The following TMEM132D variants were observed in gnomAD, a reference collection of about 807,000 sequenced individuals.
The protein encoded by TMEM132D is mature OL transmembrane protein.
A neutral mutation model predicts 62.3 loss-of-function variants in TMEM132D; 21 were observed. That is an observed-to-expected ratio of 0.34 (90% confidence interval 0.24 to 0.49). The LOEUF (loss-of-function observed/expected upper bound fraction) is 0.49. TMEM132D is among the 20% of genes least tolerant of loss of function. TMEM132D has a pLI of 0.99. For synonymous variants in TMEM132D, 621 were observed against 575.6 expected (o/e 1.08, Z -1.13); for missense variants, 1,346 against 1,402.8 (o/e 0.96, Z 0.65).
chr12:129,207,129 GA>G (rs932886870), intron 5 of TMEM132D, among the ~76,000 whole-genome samples: 1 of 151,892 alleles, frequency 6.6e-6, no homozygotes, highest in Admixed American at 6.6e-5. Context: ...CACACAAAAA[GA>G]AAAAAACAAA....
At chr12:129,753,362 G>A (rs1870062674) in intron 1 of TMEM132D, among the ~76,000 whole-genome samples, 1 of 152,176 alleles carries the variant, frequency 6.6e-6, no homozygotes, top group Non-Finnish European at 1.5e-5. Context: ...AACGGCTCTT[G>A]CATTATTCAG....
intron 1 of TMEM132D, among the ~76,000 whole-genome samples, chr12:129,791,205 G>A (rs890281812): frequency 6.6e-6 from 1 of 152,180 alleles, no homozygotes; most frequent in Non-Finnish European, 1.5e-5. Context: ...GAGGAAATCA[G>A]CAGGTCCTAT....
Position 129,637,093 on chromosome 12 carries a change from T to C in TMEM132D, c.968+62717A>G, listed in dbSNP as rs1373333340. ...AAGATGACTCACGTGTCGACAGTTT[T>C]AACTGCTTTAGGTAAAATCTCCTAC... On this transcript the variant is annotated intron_variant, in intron 2 of 8. Coordinates refer to ENST00000422113, the MANE Select transcript of TMEM132D (RefSeq NM_133448.3). 2.6e-5 allele frequency among the ~76,000 whole-genome samples: 4 copies of C among 152,228 alleles called. No homozygotes were observed. The East Asian group carries it at 5.8e-4, about 22-fold the overall frequency.
At chr12:129,502,622 G>A (rs1436015160) in intron 3 of TMEM132D, among the ~76,000 whole-genome samples, 1 of 151,900 alleles carries the variant, frequency 6.6e-6, no homozygotes, top group Non-Finnish European at 1.5e-5. Context: ...TTCAGGCAGA[G>A]AGCAATGCTA....
intron 2 of TMEM132D, among the ~76,000 whole-genome samples, chr12:129,551,937 G>A (rs181504234): frequency 1.8e-4 from 28 of 152,280 alleles, no homozygotes; most frequent in East Asian, 9.6e-4. Flanking sequence ...ATATCACTGG[G>A]AATATGACAA....
intron 5 of TMEM132D, among the ~76,000 whole-genome samples, chr12:129,175,618 GA>G (rs1406209419): frequency 1.3e-5 from 2 of 152,172 alleles, no homozygotes; most frequent in Non-Finnish European, 2.9e-5. Flanking sequence ...TGACGCAAGA[GA>G]ATCACTTGAA....
At chr12:129,273,994 G>A (rs1880933700) in intron 4 of TMEM132D, among the ~76,000 whole-genome samples, 1 of 151,630 alleles carries the variant, frequency 6.6e-6, no homozygotes, top group African/African-American at 2.4e-5. Flanking sequence ...GTAGGTATGT[G>A]AAAATACCAC....
At chr12:129,517,205 G>C (rs1260042120) in intron 3 of TMEM132D, among the ~76,000 whole-genome samples, 1 of 152,152 alleles carries the variant, frequency 6.6e-6, no homozygotes, top group Non-Finnish European at 1.5e-5. Flanking sequence ...AGTAATGTAA[G>C]TTACCTAAAT....
chr12:129,597,663 T>C (rs971209119), intron 2 of TMEM132D, among the ~76,000 whole-genome samples: 5 of 152,200 alleles, frequency 3.3e-5, no homozygotes, highest in Non-Finnish European at 7.3e-5. Context: ...AAAACAAAAA[T>C]GTATAGTCAG....
chr12:129,110,988 T>G (rs1012101461), intron 5 of TMEM132D: 15 of 152,442 alleles, frequency 9.8e-5, no homozygotes, highest in African/African-American at 3.4e-4. Context: ...TCTATTGCTT[T>G]GTAGGTCGTC....
intron 4 of TMEM132D, among the ~76,000 whole-genome samples, chr12:129,337,028 A>G (rs1321665589): frequency 6.6e-6 from 1 of 152,220 alleles, no homozygotes; most frequent in Non-Finnish European, 1.5e-5. Flanking sequence ...GCCCTTGTCA[A>G]CTACAGTAAC....
At chr12:129,456,607 C>A (rs1873475142) in intron 3 of TMEM132D, among the ~76,000 whole-genome samples, 1 of 152,050 alleles carries the variant, frequency 6.6e-6, no homozygotes, top group Non-Finnish European at 1.5e-5. Context: ...TGAGTTTGTC[C>A]CAGAAAAGGG....
At chr12:129,727,109 T>C (rs1271223541) in intron 1 of TMEM132D, among the ~76,000 whole-genome samples, 2 of 152,272 alleles carry the variant, frequency 1.3e-5, no homozygotes, top group Non-Finnish European at 2.9e-5. Context: ...AGTTCCATTG[T>C]AGATTTTTTA....
intron 1 of TMEM132D, among the ~76,000 whole-genome samples, chr12:129,814,906 A>G (rs1179480634): frequency 6.6e-6 from 1 of 152,148 alleles, no homozygotes. Context: ...TTGCCTTCAC[A>G]GGGGCTGTTC....
chr12:129,816,741 C>T (rs1872356835), intron 1 of TMEM132D, among the ~76,000 whole-genome samples: 2 of 152,040 alleles, frequency 1.3e-5, no homozygotes, highest in Non-Finnish European at 2.9e-5. Context: ...GTGAATTCAC[C>T]CTGACACCAT....
At chr12:129,077,266 G>A (rs904748766) in intron 8 of TMEM132D, among the ~76,000 whole-genome samples, 38 of 152,294 alleles carry the variant, frequency 2.5e-4, no homozygotes, top group Non-Finnish European at 4.4e-4. Flanking sequence ...GGAAGAGTGC[G>A]CAGAAAAGGC....
At chr12:129,485,700 G>A (rs565036714) in intron 3 of TMEM132D, among the ~76,000 whole-genome samples, 36 of 152,230 alleles carry the variant, frequency 2.4e-4, no homozygotes, top group Non-Finnish European at 1.0e-4. Context: ...GCCCCTTTGT[G>A]TGGCAAGGAG....
chr12:129,881,845 CTT>C (rs1874606372), intron 1 of TMEM132D, among the ~76,000 whole-genome samples: 1 of 151,922 alleles, frequency 6.6e-6, no homozygotes, highest in African/African-American at 2.4e-5. Context: ...AAAGCTGCCT[CTT>C]TGAGTTAACA....
At chr12:129,124,713 T>C (rs1173698998) in intron 5 of TMEM132D, among the ~76,000 whole-genome samples, 3 of 152,238 alleles carry the variant, frequency 2.0e-5, no homozygotes, top group African/African-American at 7.2e-5. Flanking sequence ...TGTTCACCTA[T>C]TGATGGAGAA....
Sources: allele counts gnomAD v4.1 joint callset (sites outside exome capture counted in the v4.1 genomes callset), GRCh38; gene constraint gnomAD v4.1.1; transcripts MANE v1.5; gene names NCBI Gene and HGNC (gene_info 2026-07-23, HGNC 2026-07-21).